MDM2: variants seen among roughly 807,000 people sequenced by gnomAD.
MDM2 encodes MDM2 proto-oncogene, also known as E3 ubiquitin-protein ligase Mdm2.
MDM2 carries 11 observed loss-of-function variants against 64.3 expected under a neutral mutation model. The observed-to-expected ratio is 0.17, with a 90% CI of 0.11 to 0.28. The LOEUF is 0.28. Ranked by LOEUF, MDM2 falls within the 10% of genes least tolerant of loss-of-function variation. The pLI, the probability that MDM2 is intolerant of heterozygous loss-of-function variation, is 1.00. For missense variants in MDM2, 388 were observed against 577.1 expected (o/e 0.67, Z 3.36); for synonymous variants, 194 against 192.9 (o/e 1.01, Z -0.05).
intron 5 of MDM2, among the ~76,000 whole-genome samples, chr12:68,822,300 G>A (rs779357668): frequency 1.3e-5 from 2 of 151,260 alleles, no homozygotes; most frequent in Non-Finnish European, 2.9e-5. Context: ...GCCCAGAAAA[G>A]TATCTCCATT....
At chr12:68,835,262 TG>T (rs1393364592) in intron 8 of MDM2, among the ~76,000 whole-genome samples, 2 of 152,192 alleles carry the variant, frequency 1.3e-5, no homozygotes, top group Non-Finnish European at 2.9e-5. Flanking sequence ...TAATTAAAGG[TG>T]GAAGAGCCTT....
chr12:68,812,803 G>A (rs1881024495), intron 2 of MDM2, among the ~76,000 whole-genome samples: 1 of 152,050 alleles, frequency 6.6e-6, no homozygotes, highest in African/African-American at 2.4e-5. Context: ...ATGCCCGTTG[G>A]TTTACATAGT....
At chr12:68,825,776 A>T (rs1882267358) in intron 7 of MDM2, among the ~76,000 whole-genome samples, 1 of 152,228 alleles carries the variant, frequency 6.6e-6, no homozygotes, top group East Asian at 1.9e-4. Flanking sequence ...ATTCAGATGA[A>T]AGAGAATGTC....
At chr12:68,812,328 G>T (rs566371672) in intron 2 of MDM2, among the ~76,000 whole-genome samples, 13 of 152,092 alleles carry the variant, frequency 8.5e-5, no homozygotes, top group Admixed American at 7.2e-4. Context: ...TGTTTTTAAG[G>T]CATCCCCAAT....
chr12:68,836,061 A>G (rs1883285697), intron 9 of MDM2, 77 bp downstream of exon 9: 2 of 1,243,240 alleles, frequency 1.6e-6, no homozygotes, highest in African/African-American at 1.5e-5. Context: ...TGAGATTGAA[A>G]TAATATTATT....
At chr12:68,810,226 C>T (rs886632084) in intron 2 of MDM2, among the ~76,000 whole-genome samples, 39 of 151,544 alleles carry the variant, frequency 2.6e-4, no homozygotes, top group Admixed American at 2.1e-3. Flanking sequence ...AGGAGAATCG[C>T]TTGAACCCAG....
chr12:68,810,788 A>G (rs1378960383), intron 2 of MDM2, among the ~76,000 whole-genome samples: 1 of 149,478 alleles, frequency 6.7e-6, no homozygotes, highest in Non-Finnish European at 1.5e-5. Flanking sequence ...TATTTTTTTG[A>G]TAAAAGGTAC....
chr12:68,814,156 CCTT>C (rs1354290446), intron 3 of MDM2, among the ~76,000 whole-genome samples: 1 of 152,174 alleles, frequency 6.6e-6, no homozygotes, highest in African/African-American at 2.4e-5. Context: ...AGATTCAAGC[CCTT>C]CTTCTGCCTT....
intron 8 of MDM2, among the ~76,000 whole-genome samples, chr12:68,830,375 T>G (rs1001871799): frequency 3.3e-5 from 5 of 152,244 alleles, no homozygotes; most frequent in Non-Finnish European, 7.3e-5. Context: ...AGAGTTACTG[T>G]ACCTAACGGA....
intron 10 of MDM2, among the ~76,000 whole-genome samples, chr12:68,838,465 A>ACTG (rs1284866372): frequency 6.6e-6 from 1 of 152,250 alleles, no homozygotes; most frequent in Non-Finnish European, 1.5e-5. Flanking sequence ...TATTACGGTT[A>ACTG]GTGACCAAGG....
intron 8 of MDM2, among the ~76,000 whole-genome samples, chr12:68,833,191 A>G (rs985939760): frequency 4.6e-5 from 6 of 131,474 alleles, no homozygotes; most frequent in African/African-American, 1.1e-4. Flanking sequence ...ATGTATAAAT[A>G]TATAATATAT....
At chr12:68,836,542 C>T in intron 9 of MDM2, 130 bp from the exon 10 acceptor site, 2 of 716,482 alleles carry the variant, frequency 2.8e-6, no homozygotes, top group Non-Finnish European at 5.0e-6. Flanking sequence ...CTCACTTACT[C>T]TATTTGATAT....
intron 4 of MDM2, among the ~76,000 whole-genome samples, chr12:68,817,208 A>T (rs75541301): frequency 0.011 from 1,626 of 152,302 alleles, 32 homozygotes; most frequent in African/African-American, 0.036. Flanking sequence ...CCATTTATAA[A>T]ATAGGGATAA....
At chr12:68,849,093 CTTT>C (rs796472865), downstream of MDM2, 10 of 130,700 alleles carry the variant, frequency 7.7e-5, no homozygotes, top group Non-Finnish European at 8.3e-5. Context: ...ACGGTAGACC[CTTT>C]TTTTTTTTTT....
rs1313246462 is a variant in MDM2 at position 68,824,585 on chromosome 12, C to A, written c.457C>A (p.Pro153Thr). ...TGTACAAGAGCTTCAGGAAGAGAAA[C>A]CTTCATCTTCACATTTGGTTTCTAG... is the stretch of plus-strand genomic sequence containing the variant. ...DLVQELQEEK[P>T]SSSHLVSRPS... The change falls in exon 7 of 11, where the codon CCT becomes ACT. Residue 153 changes from proline to threonine, a missense_variant. Physicochemically the swap from Pro to Thr is conservative, Grantham distance 38. This residue lies in a region of MDM2 where 168 missense variants were observed against 236.6 expected (regional missense o/e 0.71). Coordinates refer to ENST00000258149, the MANE Select transcript of MDM2 (RefSeq NM_002392.6). 1 of 1,613,518 alleles carries A rather than the reference C, an allele frequency of 6.2e-7. No individual in the cohort carries two copies.
intron 5 of MDM2, chr12:68,824,112 C>T: frequency 2.3e-6 from 1 of 434,770 alleles, no homozygotes; most frequent in Non-Finnish European, 4.0e-6. Context: ...ACTCTCCTGT[C>T]TCTCTGCTAA....
At chr12:68,817,013 A>C (rs1251286236) in intron 4 of MDM2, 68 bp downstream of exon 4, 41 of 1,535,128 alleles carry the variant, frequency 2.7e-5, no homozygotes, top group South Asian at 5.0e-5. Context: ...CTCTACCCTC[A>C]TTCACTTTTG....
At chr12:68,833,978 A>C (rs1352963523) in intron 8 of MDM2, among the ~76,000 whole-genome samples, 2 of 152,170 alleles carry the variant, frequency 1.3e-5, no homozygotes, top group African/African-American at 4.8e-5. Context: ...TTGAGCTGCA[A>C]CTTGATGAAT....
chr12:68,833,850 A>T (rs1592596064), intron 8 of MDM2, among the ~76,000 whole-genome samples: 3 of 152,252 alleles, frequency 2.0e-5, no homozygotes, highest in Admixed American at 2.0e-4. Flanking sequence ...AAATTAGTGC[A>T]CTAAAGACTT....
Sources: allele counts gnomAD v4.1 joint callset (sites outside exome capture counted in the v4.1 genomes callset), GRCh38; gene constraint gnomAD v4.1.1; regional missense constraint gnomAD v4.1.1; transcripts MANE v1.5; gene names NCBI Gene and HGNC (gene_info 2026-07-23, HGNC 2026-07-21).